Variants in UBE2K observed in about 807,000 individuals in gnomAD.
UBE2K encodes the protein ubiquitin-conjugating enzyme E2 K.
Under a neutral mutation model 30.0 loss-of-function variants are expected in UBE2K, and 6 were observed. That is an observed-to-expected ratio of 0.20 (90% confidence interval 0.11 to 0.39). UBE2K has a LOEUF of 0.39. Ranked by LOEUF, UBE2K falls within the 10% of genes least tolerant of loss-of-function variation. The probability of loss-of-function intolerance (pLI) is 1.00; values close to 1 mark genes in which losing one functional copy is unlikely to be tolerated. For missense variants in UBE2K, 61 were observed against 241.6 expected (o/e 0.25, Z 4.96); for synonymous variants, 86 against 83.7 (o/e 1.03, Z -0.15).
intron 1 of UBE2K, among the ~76,000 whole-genome samples, chr4:39,723,376 TTTTTTTC>T (rs1186009843): frequency 3.4e-5 from 5 of 145,556 alleles, no homozygotes; most frequent in Admixed American, 1.4e-4. Flanking sequence ...TTTTTTTTTT[TTTTTTTC>T]CTTCAGACTG....
rs560837432 is a variant in UBE2K, at chr4:39,711,257, G to A, written c.63+12867G>A. 2.7e-5 allele frequency among the ~76,000 whole-genome samples: 4 copies of A among 149,766 alleles called. 1 individual carries two copies. Among genetic ancestry groups the A allele is most frequent in the African/African-American group, 9.8e-5 (4 of 40,770 alleles). The stretch of plus-strand genomic sequence containing the variant: ...GGCTCACTGCAAGCTCTGCCTCCCG[G>A]GGTCATGCCATTCTCCTGCCTCAGC... On this transcript the variant is annotated intron_variant, in intron 1 of 6. Coordinates refer to ENST00000261427, the MANE Select transcript of UBE2K (RefSeq NM_005339.5).
At chr4:39,777,932 A>G (rs1713370215) in intron 6 of UBE2K, 122 bp downstream of exon 6, 5 of 891,772 alleles carry the variant, frequency 5.6e-6, no homozygotes, top group Non-Finnish European at 7.9e-6. Flanking sequence ...ACATGGCGAA[A>G]CCCATCTCTA....
chr4:39,778,218 G>T, intron 6 of UBE2K, 142 bp from the exon 7 acceptor site: 1 of 390,092 alleles, frequency 2.6e-6, no homozygotes. Context: ...ATTGATTTTA[G>T]AAGCTTTCCA....
chr4:39,771,465 G>T, intron 4 of UBE2K: 1 of 1,542,138 alleles, frequency 6.5e-7, no homozygotes, highest in South Asian at 1.2e-5. Flanking sequence ...CCCTGGCCCG[G>T]TTCCGCGCGC....
intron 4 of UBE2K, among the ~76,000 whole-genome samples, chr4:39,769,346 C>T (rs1712584877): frequency 6.6e-6 from 1 of 150,762 alleles, no homozygotes; most frequent in Non-Finnish European, 1.5e-5. Context: ...GTCTCTACTC[C>T]TCTCCCTCCC....
At chr4:39,734,489 C>A (rs1329427575) in intron 1 of UBE2K, among the ~76,000 whole-genome samples, 1 of 151,970 alleles carries the variant, frequency 6.6e-6, no homozygotes, top group Non-Finnish European at 1.5e-5. Context: ...AAAAAAAGAG[C>A]AATTTTTTTC....
At chr4:39,739,068 C>G (rs376631981) in intron 2 of UBE2K, among the ~76,000 whole-genome samples, 3 of 151,990 alleles carry the variant, frequency 2.0e-5, no homozygotes, top group Non-Finnish European at 2.9e-5. Context: ...CGCTCTGTTG[C>G]CCAGCCTGGA....
chr4:39,770,593 C>A (rs370158793), intron 4 of UBE2K: 6 of 1,584,600 alleles, frequency 3.8e-6, no homozygotes, highest in African/African-American at 2.7e-5. Flanking sequence ...CTGGCCCGGC[C>A]TCCCGGAGTC....
chr4:39,765,146 A>G (rs547043614), intron 4 of UBE2K, among the ~76,000 whole-genome samples: 1 of 152,146 alleles, frequency 6.6e-6, no homozygotes, highest in African/African-American at 2.4e-5. Flanking sequence ...TGGCCTCCCA[A>G]AGCGCTAGGA....
chr4:39,750,581 A>G (rs532233759), intron 3 of UBE2K, among the ~76,000 whole-genome samples: 74 of 152,298 alleles, frequency 4.9e-4, no homozygotes, highest in African/African-American at 1.8e-3. Context: ...CTTAATAGAT[A>G]CAGGGTCTTG....
At chr4:39,721,158 T>A (rs781186854) in intron 1 of UBE2K, among the ~76,000 whole-genome samples, 1 of 152,176 alleles carries the variant, frequency 6.6e-6, no homozygotes, top group Non-Finnish European at 1.5e-5. Context: ...CTAGGAAATC[T>A]TCTTTAGTTG....
chr4:39,752,399 C>G (rs1297890719), intron 3 of UBE2K, among the ~76,000 whole-genome samples: 1 of 135,536 alleles, frequency 7.4e-6, no homozygotes, highest in Non-Finnish European at 1.5e-5. Context: ...TGCAGTGGCA[C>G]AATCTCGGCT....
intron 2 of UBE2K, among the ~76,000 whole-genome samples, chr4:39,744,878 G>C (rs1220452530): frequency 1.3e-5 from 2 of 149,700 alleles, no homozygotes; most frequent in Non-Finnish European, 3.0e-5. Flanking sequence ...CTGCACTCCG[G>C]CCTGGGCAAC....
intron 4 of UBE2K, among the ~76,000 whole-genome samples, chr4:39,768,508 G>A (rs1231300823): frequency 6.6e-6 from 1 of 151,520 alleles, no homozygotes; most frequent in Non-Finnish European, 1.5e-5. Flanking sequence ...AACATTTGAG[G>A]ACTGAGTTTG....
At chr4:39,713,907 A>G (rs934169673) in intron 1 of UBE2K, 1 of 151,958 alleles carries the variant, frequency 6.6e-6, no homozygotes, top group African/African-American at 2.4e-5. Context: ...TTTTTAAGAC[A>G]GAGTCTTGCT....
intron 5 of UBE2K, among the ~76,000 whole-genome samples, chr4:39,775,302 A>G (rs1387219484): frequency 1.3e-5 from 2 of 152,264 alleles, no homozygotes; most frequent in South Asian, 2.1e-4. Flanking sequence ...ATCACCTCCT[A>G]TCATGGGACT....
chr4:39,768,715 T>G (rs1009321837), intron 4 of UBE2K, among the ~76,000 whole-genome samples: 3 of 152,154 alleles, frequency 2.0e-5, no homozygotes, highest in Non-Finnish European at 2.9e-5. Flanking sequence ...CTCCATACTG[T>G]TTTTCCATAA....
intron 1 of UBE2K, among the ~76,000 whole-genome samples, chr4:39,728,902 C>T (rs1170970239): frequency 2.7e-5 from 4 of 149,370 alleles, no homozygotes; most frequent in Non-Finnish European, 5.9e-5. Flanking sequence ...CTTTTGACCT[C>T]GTGATCCACC....
rs183961226 is a variant in UBE2K, at chr4:39,702,916, G to A, written c.63+4526G>A. ...GCAGGTAGCACTGCAGAGCCCCAGCGCATGTCCCCACTATCTCTTCTTGCT... is the reference window on the plus strand; with the variant it reads ...GCAGGTAGCACTGCAGAGCCCCAGCACATGTCCCCACTATCTCTTCTTGCT... On this transcript the variant is annotated intron_variant, in intron 1 of 6. Transcript: ENST00000261427. Among the ~76,000 whole-genome samples, 58 of 152,132 alleles carry A rather than the reference G, an allele frequency of 3.8e-4. No individual in the cohort carries two copies. In the South Asian group the frequency reaches 0.011, roughly 28 times the overall value.
Sources: gnomAD v4.1 joint callset for allele counts (sites outside exome capture counted in the v4.1 genomes callset) on GRCh38, gnomAD v4.1.1 for gene constraint, MANE v1.5 for transcripts, NCBI Gene and HGNC (gene_info 2026-07-23, HGNC 2026-07-21) for gene names.